FRMD6: variants seen among roughly 807,000 people sequenced by gnomAD.
The protein encoded by FRMD6 is FERM domain containing 6.
Under a neutral mutation model 73.2 loss-of-function variants are expected in FRMD6, and 37 were observed. The ratio of observed to expected loss-of-function variants is 0.51; its 90% CI spans 0.39 to 0.66. The LOEUF (loss-of-function observed/expected upper bound fraction) is 0.66. FRMD6 is among the 30% of genes least tolerant of loss of function. The pLI is 0.00. For synonymous variants in FRMD6, 273 were observed against 282.2 expected, an observed-to-expected ratio of 0.97 and a Z score of 0.33; for missense variants, 714 against 780.5, an observed-to-expected ratio of 0.91 and a Z score of 1.02.
chr14:51,445,085 C>T, the FRMD6 span, among the ~76,000 whole-genome samples: 6 of 152,178 alleles, frequency 3.9e-5, no homozygotes, highest in Non-Finnish European at 8.8e-5. Context: ...TGCTGCCATC[C>T]AGTTGACCAC....
the FRMD6 span, among the ~76,000 whole-genome samples, chr14:51,455,020 A>T: frequency 3.4e-4 from 51 of 152,148 alleles, no homozygotes; most frequent in African/African-American, 1.2e-3. Context: ...GAATTTCCCA[A>T]ACTGTGTTCT....
the FRMD6 span, among the ~76,000 whole-genome samples, chr14:51,433,641 G>A: frequency 6.6e-6 from 1 of 152,132 alleles, no homozygotes; most frequent in African/African-American, 2.4e-5. Context: ...AATAAGCCAG[G>A]AGTAACGAGA....
In FRMD6 at chr14:51,730,300, A is replaced by G. The variant is rs1231251092; in HGVS notation, c.*2271A>G. 6.6e-6 allele frequency: 1 copy of G among 152,208 alleles called. No individual in the cohort carries two copies. The highest frequency in any genetic ancestry group is 6.5e-5 in the Admixed American group (1 of 15,278). 9.4% of individuals were successfully genotyped at this position (152,208 alleles called of 1,614,324 possible). On this transcript the variant is annotated 3_prime_UTR_variant, in exon 14 of 14. Transcript: ENST00000344768. ...TCTAATTGGATTTATGAATAGTTCT[A>G]TGGGTTTTCAAAGATGAATCATGCT...
intron 2 of FRMD6, among the ~76,000 whole-genome samples, chr14:51,625,887 C>T (rs1891095223): frequency 6.6e-6 from 1 of 152,306 alleles, no homozygotes; most frequent in Middle Eastern, 3.4e-3. Context: ...ACTTAGTACT[C>T]CACCACGTGT....
At chr14:51,588,040 T>C (rs1466644935) in intron 2 of FRMD6, among the ~76,000 whole-genome samples, 1 of 152,028 alleles carries the variant, frequency 6.6e-6, no homozygotes, top group Non-Finnish European at 1.5e-5. Context: ...CTAGCATTAC[T>C]ATAGTCTGTA....
the FRMD6 span, among the ~76,000 whole-genome samples, chr14:51,418,889 A>T: frequency 6.6e-6 from 1 of 152,186 alleles, no homozygotes; most frequent in African/African-American, 2.4e-5. Context: ...GCAATGGCGG[A>T]TGCCCCTCCC....
chr14:51,459,503 A>C, the FRMD6 span, among the ~76,000 whole-genome samples: 1 of 152,042 alleles, frequency 6.6e-6, no homozygotes, highest in Non-Finnish European at 1.5e-5. Context: ...TCCCTTTCCC[A>C]AGCAATACTC....
chr14:51,566,113 C>T (rs151336569), intron 1 of FRMD6, among the ~76,000 whole-genome samples: 1,772 of 152,258 alleles, frequency 0.012, 36 homozygotes, highest in African/African-American at 0.038. Context: ...TGCAGTGAGC[C>T]GAGATCATGC....
At chr14:51,580,682 C>T (rs1020694526) in intron 2 of FRMD6, among the ~76,000 whole-genome samples, 1 of 152,202 alleles carries the variant, frequency 6.6e-6, no homozygotes, top group Admixed American at 6.5e-5. Context: ...ATATAACCCT[C>T]ACAGACTGAG....
At chr14:51,480,437 C>T in the FRMD6 span, among the ~76,000 whole-genome samples, 1 of 152,106 alleles carries the variant, frequency 6.6e-6, no homozygotes, top group Non-Finnish European at 1.5e-5. Flanking sequence ...CTTCTTTTAG[C>T]TTATTTCTTT....
At chr14:51,488,600 A>G (rs1183628983), upstream of FRMD6, among the ~76,000 whole-genome samples, 1 of 152,204 alleles carries the variant, frequency 6.6e-6, no homozygotes, top group Admixed American at 6.5e-5. Flanking sequence ...TATCTTTGAA[A>G]TGTCTTCTTA....
chr14:51,531,384 A>G (rs1885575141), intron 1 of FRMD6, among the ~76,000 whole-genome samples: 1 of 152,236 alleles, frequency 6.6e-6, no homozygotes, highest in Admixed American at 6.5e-5. Flanking sequence ...GATAAGCAAC[A>G]AGATAACTGA....
chr14:51,548,842 C>T (rs576721904), intron 1 of FRMD6, among the ~76,000 whole-genome samples: 1 of 152,142 alleles, frequency 6.6e-6, no homozygotes, highest in Non-Finnish European at 1.5e-5. Flanking sequence ...GTCCTGGGAC[C>T]AGCAACGTCA....
intron 13 of FRMD6, among the ~76,000 whole-genome samples, chr14:51,726,500 A>G (rs1265733456): frequency 6.6e-6 from 1 of 150,814 alleles, no homozygotes. Flanking sequence ...TTTCATTTGC[A>G]TTCTGGCTCT....
At chr14:51,606,061 G>T (rs1442254390) in intron 2 of FRMD6, among the ~76,000 whole-genome samples, 1 of 152,192 alleles carries the variant, frequency 6.6e-6, no homozygotes, top group African/African-American at 2.4e-5. Flanking sequence ...TCTCTCCAGG[G>T]TAAGGTAAGC....
intron 1 of FRMD6, among the ~76,000 whole-genome samples, chr14:51,672,781 G>A (rs1405295140): frequency 1.3e-5 from 2 of 152,012 alleles, no homozygotes; most frequent in Non-Finnish European, 2.9e-5. Flanking sequence ...CTATGTTTTC[G>A]AATTTATTAA....
chr14:51,665,307 T>G (rs1047522519), intron 1 of FRMD6, among the ~76,000 whole-genome samples: 1 of 152,186 alleles, frequency 6.6e-6, no homozygotes, highest in Non-Finnish European at 1.5e-5. Flanking sequence ...TCCTCAACAT[T>G]GGGACCAAGC....
intron 13 of FRMD6, among the ~76,000 whole-genome samples, chr14:51,726,981 A>G (rs1447139967): frequency 6.6e-6 from 1 of 152,190 alleles, no homozygotes; most frequent in Non-Finnish European, 1.5e-5. Context: ...TCATATAATT[A>G]TCAGAATCAT....
chr14:51,661,019 A>T (rs1042424185), intron 1 of FRMD6, among the ~76,000 whole-genome samples: 7 of 152,180 alleles, frequency 4.6e-5, no homozygotes, highest in African/African-American at 1.7e-4. Flanking sequence ...TTTGGAGAGC[A>T]CATGTTTGGC....
Sources: gnomAD v4.1 joint callset for allele counts (sites outside exome capture counted in the v4.1 genomes callset) on GRCh38, gnomAD v4.1.1 for gene constraint, MANE v1.5 for transcripts, NCBI Gene and HGNC (gene_info 2026-07-23, HGNC 2026-07-21) for gene names.